EVA1A: variants seen among roughly 807,000 people sequenced by gnomAD.
EVA1A encodes protein eva-1 homolog A.
EVA1A carries 7 observed loss-of-function variants against 9.8 expected under a neutral mutation model. That is an observed-to-expected ratio of 0.71 (90% confidence interval 0.41 to 1.34). EVA1A has a LOEUF of 1.34. EVA1A is among the 40% of genes most tolerant of loss of function. The pLI is 0.01. For missense variants in EVA1A, 206 were observed against 205.9 expected (o/e 1.00, Z 0.00); for synonymous variants, 90 against 85.6 (o/e 1.05, Z -0.28).
intron 1 of EVA1A, among the ~76,000 whole-genome samples, chr2:75,559,717 T>TGGGGGGGGGGGGGGGGGGGGGGGGGG (rs1457049048): frequency 1.9e-5 from 1 of 52,784 alleles, no homozygotes; most frequent in African/African-American, 8.3e-5. Context: ...GCGGGGGAGT[T>TGGGGGGGGGGGGGGGGGGGGGGGGGG]GGGGGGACGG....
intron 1 of EVA1A, among the ~76,000 whole-genome samples, chr2:75,555,196 C>A (rs902580406): frequency 4.6e-5 from 7 of 152,078 alleles, no homozygotes; most frequent in Non-Finnish European, 1.0e-4. Flanking sequence ...AGAAAGACTG[C>A]AAATGGGAAT....
chr2:75,560,082 T>G (rs1676869696), intron 1 of EVA1A, among the ~76,000 whole-genome samples: 1 of 152,096 alleles, frequency 6.6e-6, no homozygotes, highest in African/African-American at 2.4e-5. Flanking sequence ...ACCTCCCAGA[T>G]AGAGCAGCGT....
chr2:75,511,490 T>G (rs1481612681), intron 3 of EVA1A, among the ~76,000 whole-genome samples: 1 of 152,176 alleles, frequency 6.6e-6, no homozygotes, highest in Non-Finnish European at 1.5e-5. Flanking sequence ...ATCTAAAATA[T>G]CTCCATAATA....
At chr2:75,507,943 G>A (rs1674676144) in intron 3 of EVA1A, among the ~76,000 whole-genome samples, 1 of 152,144 alleles carries the variant, frequency 6.6e-6, no homozygotes, top group Non-Finnish European at 1.5e-5. Context: ...AAGATTTCAT[G>A]GACATTTATT....
chr2:75,548,258 A>G (rs951336897), intron 1 of EVA1A, among the ~76,000 whole-genome samples: 13 of 152,170 alleles, frequency 8.5e-5, no homozygotes, highest in African/African-American at 2.9e-4. Flanking sequence ...TCAGCCTCCC[A>G]AACAGCTAGA....
At chr2:75,503,177 C>G (rs573273768) in intron 3 of EVA1A, among the ~76,000 whole-genome samples, 1 of 152,328 alleles carries the variant, frequency 6.6e-6, no homozygotes, top group South Asian at 2.1e-4. Flanking sequence ...ATTTTCACAG[C>G]TGATACAATT....
chr2:75,539,881 G>T (rs1041307711), intron 1 of EVA1A, among the ~76,000 whole-genome samples: 1 of 152,134 alleles, frequency 6.6e-6, no homozygotes, highest in Non-Finnish European at 1.5e-5. Context: ...AAGGCATAAA[G>T]GTAGGAGGCA....
intron 1 of EVA1A, among the ~76,000 whole-genome samples, chr2:75,529,551 C>A (rs1675571829): frequency 6.6e-6 from 1 of 152,280 alleles, no homozygotes; most frequent in Middle Eastern, 3.4e-3. Flanking sequence ...TGACTACTCT[C>A]TCAGACCACA....
intron 3 of EVA1A, among the ~76,000 whole-genome samples, chr2:75,501,561 G>A (rs779731386): frequency 2.6e-5 from 4 of 152,148 alleles, no homozygotes; most frequent in Non-Finnish European, 4.4e-5. Flanking sequence ...AACAAAAAAG[G>A]TTTTGATTTC....
chr2:75,562,316 G>A (rs901107945), upstream of EVA1A, among the ~76,000 whole-genome samples: 2 of 152,140 alleles, frequency 1.3e-5, no homozygotes, highest in Non-Finnish European at 2.9e-5. Flanking sequence ...ATTGTCTGGG[G>A]TGGAGCTCCC....
chr2:75,536,819 C>T (rs1033508581), intron 1 of EVA1A, among the ~76,000 whole-genome samples: 24 of 151,796 alleles, frequency 1.6e-4, no homozygotes, highest in Admixed American at 2.6e-4. Context: ...TTAACCCCCC[C>T]GCTCCAAAAA....
chr2:75,547,482 T>C (rs1164322634), intron 1 of EVA1A, among the ~76,000 whole-genome samples: 1 of 152,238 alleles, frequency 6.6e-6, no homozygotes, highest in Non-Finnish European at 1.5e-5. Context: ...ATCTATGTAA[T>C]GCACCAAGCA....
chr2:75,525,350 C>A (rs1446580826), intron 1 of EVA1A, among the ~76,000 whole-genome samples: 1 of 152,196 alleles, frequency 6.6e-6, no homozygotes, highest in East Asian at 1.9e-4. Flanking sequence ...CCCTTCACAG[C>A]CATACATCTT....
chr2:75,525,088 C>T (rs929250015), intron 1 of EVA1A, among the ~76,000 whole-genome samples: 5 of 152,060 alleles, frequency 3.3e-5, no homozygotes, highest in Admixed American at 6.5e-5. Flanking sequence ...TACTTATATA[C>T]ATACATATAT....
intron 3 of EVA1A, among the ~76,000 whole-genome samples, chr2:75,497,433 G>T (rs921745642): frequency 6.6e-6 from 1 of 152,098 alleles, no homozygotes; most frequent in Non-Finnish European, 1.5e-5. Context: ...AAAATGCTCA[G>T]CATCACTAAT....
chr2:75,512,359 A>G (rs1020004556), intron 3 of EVA1A, among the ~76,000 whole-genome samples: 6 of 152,252 alleles, frequency 3.9e-5, no homozygotes, highest in African/African-American at 1.2e-4. Context: ...CATATGTGGG[A>G]GAGTGTGGGT....
intron 3 of EVA1A, among the ~76,000 whole-genome samples, chr2:75,514,467 GTATGGTA>G (rs1186351056): frequency 3.9e-5 from 6 of 152,074 alleles, no homozygotes; most frequent in African/African-American, 1.4e-4. Context: ...TCTACTATAT[GTATGGTA>G]TAATTCAAAA....
intron 3 of EVA1A, among the ~76,000 whole-genome samples, chr2:75,508,975 C>T (rs1476656603): frequency 1.3e-5 from 2 of 152,076 alleles, no homozygotes; most frequent in Non-Finnish European, 2.9e-5. Context: ...CCTCTACTCT[C>T]ACATGACTTG....
intron 1 of EVA1A, among the ~76,000 whole-genome samples, chr2:75,526,693 T>A (rs1675451742): frequency 6.6e-6 from 1 of 152,254 alleles, no homozygotes; most frequent in South Asian, 2.1e-4. Context: ...GACACATCTT[T>A]AGCACAGGAG....
Sources: gnomAD v4.1 joint callset for allele counts (sites outside exome capture counted in the v4.1 genomes callset) on GRCh38, gnomAD v4.1.1 for gene constraint, MANE v1.5 for transcripts, NCBI Gene and HGNC (gene_info 2026-07-23, HGNC 2026-07-21) for gene names.